The following ZCCHC7 variants were observed in gnomAD, a reference collection of about 807,000 sequenced individuals.
The protein encoded by ZCCHC7 is zinc finger CCHC domain-containing protein 7.
In ZCCHC7, 35 loss-of-function variants were observed where a neutral mutation model predicts 52.0. That is an observed-to-expected ratio of 0.67 (90% CI 0.51 to 0.89). ZCCHC7 has a LOEUF of 0.89. Ranked by LOEUF, ZCCHC7 falls within the 40% of genes least tolerant of loss-of-function variation. The pLI is 0.00. For synonymous variants in ZCCHC7, 217 were observed against 221.5 expected (o/e 0.98, Z 0.18); for missense variants, 574 against 649.1 (o/e 0.88, Z 1.26).
At chr9:37,205,718 A>T (rs1475014858) in intron 2 of ZCCHC7, among the ~76,000 whole-genome samples, 1 of 152,178 alleles carries the variant, frequency 6.6e-6, no homozygotes, top group Non-Finnish European at 1.5e-5. Flanking sequence ...GGGTTTCACC[A>T]TGTTGGTCAG....
At chr9:37,346,714 G>C (rs1348515079) in intron 6 of ZCCHC7, among the ~76,000 whole-genome samples, 1 of 152,162 alleles carries the variant, frequency 6.6e-6, no homozygotes, top group Admixed American at 6.5e-5. Flanking sequence ...GGTGGCTCAT[G>C]CCTGCAGTCT....
At chr9:37,315,191 TA>T (rs1351991540) in intron 5 of ZCCHC7, among the ~76,000 whole-genome samples, 5 of 152,004 alleles carry the variant, frequency 3.3e-5, no homozygotes, top group Non-Finnish European at 7.4e-5. Context: ...TATACATATA[TA>T]AACAATGATA....
chr9:37,350,563 A>G (rs1209113219), intron 7 of ZCCHC7, among the ~76,000 whole-genome samples: 1 of 152,116 alleles, frequency 6.6e-6, no homozygotes, highest in Non-Finnish European at 1.5e-5. Context: ...TTGCTCACCT[A>G]CCCCACAAAT....
At chr9:37,337,223 G>T (rs1830712961) in intron 6 of ZCCHC7, among the ~76,000 whole-genome samples, 1 of 152,136 alleles carries the variant, frequency 6.6e-6, no homozygotes, top group Non-Finnish European at 1.5e-5. Flanking sequence ...TTATCTGGCT[G>T]GCAAACTGAA....
At chr9:37,139,138 T>A (rs1843116240) in intron 2 of ZCCHC7, among the ~76,000 whole-genome samples, 2 of 152,034 alleles carry the variant, frequency 1.3e-5, no homozygotes, top group African/African-American at 4.8e-5. Flanking sequence ...GGTTAAGACT[T>A]ATTAATGAAG....
intron 2 of ZCCHC7, among the ~76,000 whole-genome samples, chr9:37,295,542 T>G (rs1828746816): frequency 6.6e-6 from 1 of 152,160 alleles, no homozygotes; most frequent in Non-Finnish European, 1.5e-5. Flanking sequence ...AGATATTAAG[T>G]GGTCCTGAGC....
chr9:37,192,641 A>ATGGAAAAGTCTAGAT (rs770108211), intron 2 of ZCCHC7, among the ~76,000 whole-genome samples: 12 of 152,202 alleles, frequency 7.9e-5, no homozygotes, highest in Non-Finnish European at 1.5e-4. Context: ...TGTGTCACCT[A>ATGGAAAAGTCTAGAT]TGGAAAAGTC....
At chr9:37,145,762 T>C (rs1318011118) in intron 2 of ZCCHC7, among the ~76,000 whole-genome samples, 1 of 152,006 alleles carries the variant, frequency 6.6e-6, no homozygotes, top group Non-Finnish European at 1.5e-5. Flanking sequence ...CAGTGTTCAA[T>C]TGAGTAATAT....
intron 2 of ZCCHC7, among the ~76,000 whole-genome samples, chr9:37,238,494 G>T (rs1439548239): frequency 2.6e-5 from 4 of 151,994 alleles, no homozygotes; most frequent in Non-Finnish European, 5.9e-5. Context: ...TCTTTGAGGA[G>T]AATAGAAAAT....
Position 37,336,454 on chromosome 9 carries a change from T to C in ZCCHC7, c.987+8620T>C, listed in dbSNP as rs1167447894. Among the ~76,000 whole-genome samples the C allele has an allele frequency of 5.3e-5, 8 of 152,216 alleles. 1 individual carries two copies. In the South Asian group the frequency reaches 1.7e-3, roughly 32 times the overall value. ...TGGAATTCCCTGCCTTTGTGATCGA[T>C]GGTTAAGAGTATTACAGTGGAATAA... On this transcript the variant is annotated intron_variant, in intron 6 of 8. Transcript: ENST00000336755.
chr9:37,349,758 A>G (rs1821250385), intron 7 of ZCCHC7, among the ~76,000 whole-genome samples: 1 of 152,120 alleles, frequency 6.6e-6, no homozygotes, highest in South Asian at 2.1e-4. Context: ...TACAAACACA[A>G]TTGCTTTGAC....
At chr9:37,309,590 C>G (rs186615090) in intron 5 of ZCCHC7, among the ~76,000 whole-genome samples, 5 of 152,162 alleles carry the variant, frequency 3.3e-5, no homozygotes, top group Non-Finnish European at 7.4e-5. Flanking sequence ...TCTGCTCATT[C>G]ACAGAGGATT....
chr9:37,150,654 C>G (rs966236643), intron 2 of ZCCHC7, among the ~76,000 whole-genome samples: 1 of 152,138 alleles, frequency 6.6e-6, no homozygotes, highest in Admixed American at 6.5e-5. Flanking sequence ...AAATGTAAAT[C>G]TTTTCTAGAG....
intron 2 of ZCCHC7, among the ~76,000 whole-genome samples, chr9:37,129,571 G>A (rs1842689029): frequency 1.3e-5 from 2 of 152,126 alleles, no homozygotes; most frequent in Non-Finnish European, 2.9e-5. Flanking sequence ...TCTTTAGAGA[G>A]AAGATTTTTC....
chr9:37,202,716 A>C (rs1228313467), intron 2 of ZCCHC7, among the ~76,000 whole-genome samples: 2 of 152,194 alleles, frequency 1.3e-5, no homozygotes, highest in African/African-American at 4.8e-5. Context: ...TCCTGGACTC[A>C]AGCGATCCTC....
chr9:37,334,820 A>G lies in ZCCHC7; in HGVS notation c.987+6986A>G, dbSNP rs1830582684. 1.3e-5 allele frequency among the ~76,000 whole-genome samples: 2 copies of G among 152,102 alleles called. 1 individual carries two copies. Among genetic ancestry groups the G allele is most frequent in the Non-Finnish European group, 2.9e-5 (2 of 67,974 alleles). ...CTTTAGAAAGCATTTAACAAAAAAA[A>G]GTTTAATATCTTTGGGATTAAATTA... is the stretch of plus-strand genomic sequence containing the variant. On this transcript the variant is annotated intron_variant, in intron 6 of 8. Coordinates refer to ENST00000336755, the MANE Select transcript of ZCCHC7 (RefSeq NM_032226.3).
chr9:37,180,422 A>T (rs1402493183), intron 2 of ZCCHC7, among the ~76,000 whole-genome samples: 2 of 151,932 alleles, frequency 1.3e-5, no homozygotes, highest in Non-Finnish European at 1.5e-5. Context: ...AATGTTAATA[A>T]TACAGTGGTA....
At chr9:37,138,281 GA>G (rs1277766556) in intron 2 of ZCCHC7, among the ~76,000 whole-genome samples, 1 of 152,136 alleles carries the variant, frequency 6.6e-6, no homozygotes, top group Admixed American at 6.5e-5. Context: ...GAGGTTTGAA[GA>G]AAGCTTTTTA....
At chr9:37,178,200 A>C (rs1430801283) in intron 2 of ZCCHC7, among the ~76,000 whole-genome samples, 1 of 152,166 alleles carries the variant, frequency 6.6e-6, no homozygotes, top group Non-Finnish European at 1.5e-5. Context: ...AGCTAGCTTT[A>C]TGAACCCCAT....
Sources: gnomAD v4.1 joint callset for allele counts (sites outside exome capture counted in the v4.1 genomes callset) on GRCh38, gnomAD v4.1.1 for gene constraint, MANE v1.5 for transcripts, NCBI Gene and HGNC (gene_info 2026-07-23, HGNC 2026-07-21) for gene names.